AUTS2: variants seen among roughly 807,000 people sequenced by gnomAD.
The protein encoded by AUTS2 is autism susceptibility gene 2 protein.
In AUTS2, 17 loss-of-function variants were observed where a neutral mutation model predicts 112.4. The observed-to-expected ratio is 0.15, with a 90% CI of 0.10 to 0.23. The LOEUF (loss-of-function observed/expected upper bound fraction) is 0.23, where lower values mean the gene tolerates loss of function less well. Among genes scored for constraint, AUTS2 ranks in the 10% least tolerant of loss-of-function variants. AUTS2 has a pLI of 1.00. For synonymous variants in AUTS2, 751 were observed against 702.7 expected (o/e 1.07, Z -1.09); for missense variants, 1,510 against 1,701.6 (o/e 0.89, Z 1.98).
chr7:70,403,273 A>G (rs142197925), intron 4 of AUTS2, among the ~76,000 whole-genome samples: 307 of 152,356 alleles, frequency 2.0e-3, no homozygotes, highest in African/African-American at 6.7e-3. Flanking sequence ...GCACACTGCA[A>G]CTTCTTGCCA....
In AUTS2 at chr7:70,596,092, C is replaced by A. The variant is rs112259504; in HGVS notation, c.691-102477C>A. 1,226 of 152,620 alleles carry A rather than the reference C, an allele frequency of 8.0e-3. 16 individuals carry two copies. Among genetic ancestry groups the A allele is most frequent in the African/African-American group, 0.028 (1,156 of 41,584 alleles). 9.5% of individuals were successfully genotyped at this position (152,620 alleles called of 1,614,324 possible). On this transcript the variant is annotated intron_variant, in intron 5 of 18. Transcript: ENST00000342771. ...AGTTTCCCCACCGTGGGTGTCTTTGCTAGCCGGCGAGTTGCAGTCTTCTGA... is the reference window on the plus strand; with the variant it reads ...AGTTTCCCCACCGTGGGTGTCTTTGATAGCCGGCGAGTTGCAGTCTTCTGA...
chr7:70,355,151 GT>G (rs1791948559), intron 4 of AUTS2, among the ~76,000 whole-genome samples: 1 of 151,556 alleles, frequency 6.6e-6, no homozygotes, highest in Admixed American at 6.6e-5. Flanking sequence ...GATTTCTGGA[GT>G]TTTTCTTGTC....
Position 70,238,355 on chromosome 7 carries a change from G to T in AUTS2, c.660+103784G>T, listed in dbSNP as rs1340327074. Among the ~76,000 whole-genome samples the T allele has an allele frequency of 2.0e-5, 3 of 152,300 alleles. No individual in the cohort carries two copies. In the East Asian group the frequency reaches 5.8e-4, roughly 29 times the overall value. ...TTTTAGTGCTGTCCGCTTTAGCTTT[G>T]CCGGCAAGGCCTTTTGACAGGACCA... On this transcript the variant is annotated intron_variant, in intron 4 of 18. Coordinates refer to ENST00000342771, the MANE Select transcript of AUTS2 (RefSeq NM_015570.4).
intron 1 of AUTS2, among the ~76,000 whole-genome samples, chr7:69,715,448 G>A (rs1267482925): frequency 1.3e-5 from 2 of 152,110 alleles, no homozygotes; most frequent in African/African-American, 2.4e-5. Context: ...GCAGTGGAAG[G>A]ATTCCCTCCA....
At chr7:69,673,949 T>A (rs1165808792) in intron 1 of AUTS2, among the ~76,000 whole-genome samples, 1 of 152,232 alleles carries the variant, frequency 6.6e-6, no homozygotes, top group Admixed American at 6.5e-5. Flanking sequence ...ACTTCCTAAG[T>A]GAGTTTATAT....
In AUTS2 at chr7:69,635,495, T is replaced by A. The variant is rs149804775; in HGVS notation, c.309+35533T>A. Among the ~76,000 whole-genome samples the A allele has an allele frequency of 2.3e-3, 344 of 152,138 alleles. 2 individuals carry two copies. The highest frequency in any genetic ancestry group is 3.5e-3 in the Non-Finnish European group (237 of 67,994). On this transcript the variant is annotated intron_variant, in intron 1 of 18. Transcript: ENST00000342771. The stretch of plus-strand genomic sequence containing the variant: ...AGAGGGTGGAAGTCTGTATGTGGGG[T>A]CAGTCTTAACAAGGAAAGCTGACAT...
chr7:70,704,667 G>A (rs1809642648), intron 6 of AUTS2, among the ~76,000 whole-genome samples: 1 of 152,216 alleles, frequency 6.6e-6, no homozygotes, highest in African/African-American at 2.4e-5. Context: ...GTTCTCTAGA[G>A]TCTAATGAGA....
intron 5 of AUTS2, among the ~76,000 whole-genome samples, chr7:70,506,420 G>T (rs1798963862): frequency 6.6e-6 from 1 of 152,192 alleles, no homozygotes; most frequent in Admixed American, 6.5e-5. Context: ...GATGGAACAT[G>T]CCTCATAGTT....
chr7:70,713,868 C>T (rs930000842), intron 6 of AUTS2, among the ~76,000 whole-genome samples: 3 of 150,266 alleles, frequency 2.0e-5, no homozygotes, highest in Admixed American at 6.7e-5. Context: ...TGCACTCCAG[C>T]CTGGGCGACA....
At chr7:69,730,985 T>C (rs1221348218) in intron 1 of AUTS2, among the ~76,000 whole-genome samples, 1 of 152,150 alleles carries the variant, frequency 6.6e-6, no homozygotes, top group Non-Finnish European at 1.5e-5. Context: ...ACTGGCAATA[T>C]AGATAGTGGT....
intron 5 of AUTS2, among the ~76,000 whole-genome samples, chr7:70,606,465 C>G (rs10240166): frequency 0.059 from 8,961 of 152,208 alleles, 308 homozygotes; most frequent in African/African-American, 0.096. Flanking sequence ...ACTTTGTTAG[C>G]AGCCGGGGAT....
chr7:70,104,875 T>G (rs1804687712), intron 2 of AUTS2, among the ~76,000 whole-genome samples: 2 of 152,230 alleles, frequency 1.3e-5, no homozygotes, highest in South Asian at 4.1e-4. Context: ...CTTTTTTTAT[T>G]CCATGGTGTG....
intron 4 of AUTS2, among the ~76,000 whole-genome samples, chr7:70,148,119 A>T (rs941063499): frequency 2.0e-5 from 3 of 152,092 alleles, no homozygotes; most frequent in African/African-American, 7.2e-5. Flanking sequence ...CACAAATAGG[A>T]CATTCCAGAC....
At position 69,599,431 on chromosome 7, in the gene AUTS2, C is replaced by T. The variant is rs576514915; in HGVS notation, c.-223C>T. 1.0e-5 allele frequency: 4 copies of T among 399,856 alleles called. No individual in the cohort carries two copies. Among genetic ancestry groups the T allele is most frequent in the Non-Finnish European group, 1.3e-5 (3 of 235,950 alleles). 24.8% of individuals were successfully genotyped at this position (399,856 alleles called of 1,614,324 possible). A position where few individuals can be genotyped will look rare whatever the true frequency, so the allele number is the denominator to read the frequency against. On this transcript the variant is annotated 5_prime_UTR_variant, in exon 1 of 19. Coordinates refer to ENST00000342771, the MANE Select transcript of AUTS2 (RefSeq NM_015570.4). The surrounding 1 kb of genome is among the most constrained non-coding windows in gnomAD (Gnocchi z 7.0). ...ACACTTGGGCTCCTCGCCTCTCGCC[C>T]TCGCTCCCCGTCCCTCCTCCCCTCT...
At chr7:70,185,397 G>A (rs1041338673) in intron 4 of AUTS2, among the ~76,000 whole-genome samples, 6 of 149,648 alleles carry the variant, frequency 4.0e-5, no homozygotes, top group Admixed American at 1.3e-4. Flanking sequence ...GTGAGCCACC[G>A]CACCTGGCCC....
intron 6 of AUTS2, among the ~76,000 whole-genome samples, chr7:70,751,663 C>T (rs185464675): frequency 3.3e-5 from 5 of 152,170 alleles, no homozygotes; most frequent in Admixed American, 3.3e-4. Context: ...AGAACCTTGC[C>T]TTGTTAGGAC....
At chr7:69,990,027 G>A (rs534826971) in intron 2 of AUTS2, among the ~76,000 whole-genome samples, 25 of 152,246 alleles carry the variant, frequency 1.6e-4, no homozygotes, top group South Asian at 8.3e-4. Flanking sequence ...CCATGAAACC[G>A]GTGCCTGATG....
At chr7:69,892,050 C>G (rs918720377) in intron 1 of AUTS2, among the ~76,000 whole-genome samples, 65 of 151,732 alleles carry the variant, frequency 4.3e-4, no homozygotes, top group Non-Finnish European at 1.0e-4. Flanking sequence ...CCTGGCCTCC[C>G]AAAGTGCTGG....
intron 8 of AUTS2, among the ~76,000 whole-genome samples, chr7:70,765,414 G>A (rs1239883291): frequency 6.6e-6 from 1 of 152,042 alleles, no homozygotes; most frequent in Non-Finnish European, 1.5e-5. Context: ...CTTTTCATTG[G>A]GCAGGGCAGG....
Sources: gnomAD v4.1 joint callset for allele counts (sites outside exome capture counted in the v4.1 genomes callset) on GRCh38, gnomAD v4.1.1 for gene constraint, Gnocchi (gnomAD v3.1) non-coding constraint, MANE v1.5 for transcripts, NCBI Gene and HGNC (gene_info 2026-07-23, HGNC 2026-07-21) for gene names.